The following MBD5 variants were observed in gnomAD, a reference collection of about 807,000 sequenced individuals.
MBD5 encodes the protein methyl-CpG binding domain protein 5.
Under a neutral mutation model 117.3 loss-of-function variants are expected in MBD5, and 13 were observed. The ratio of observed to expected loss-of-function variants is 0.11; its 90% CI spans 0.07 to 0.18. MBD5 has a LOEUF of 0.18. MBD5 is among the 10% of genes least tolerant of loss of function. The pLI, the probability that MBD5 is intolerant of heterozygous loss-of-function variation, is 1.00. For synonymous variants in MBD5, 727 were observed against 766.4 expected (o/e 0.95, Z 0.85); for missense variants, 1,879 against 2,093.8 (o/e 0.90, Z 2.00).
At chr2:148,358,640 T>C (rs982885859) in intron 4 of MBD5, among the ~76,000 whole-genome samples, 13 of 133,500 alleles carry the variant, frequency 9.7e-5, no homozygotes, top group South Asian at 2.5e-4. Context: ...AAAAAAAAGC[T>C]GGGTGTGGTG....
intron 3 of MBD5, among the ~76,000 whole-genome samples, chr2:148,319,878 T>C (rs954740020): frequency 7.2e-5 from 11 of 152,224 alleles, no homozygotes; most frequent in African/African-American, 2.7e-4. Context: ...AAGTATGATG[T>C]TGGCTCTGGG....
intron 4 of MBD5, among the ~76,000 whole-genome samples, chr2:148,359,406 A>C (rs192853822): frequency 2.9e-4 from 44 of 152,282 alleles, no homozygotes; most frequent in Admixed American, 2.8e-3. Flanking sequence ...TTTGTGCTAT[A>C]TACCCATTTT....
rs539053262 is a variant in MBD5, at chr2:148,081,924, G to T, written c.-925+60240G>T. 2.0e-5 allele frequency among the ~76,000 whole-genome samples: 3 copies of T among 152,212 alleles called. No individual in the cohort carries two copies. The East Asian group carries it at 5.8e-4, about 29-fold the overall frequency. ...GAGAGTGATTGCATTTATTTCATAG[G>T]TAAGTAATCTTGCCCATAGCTAATA... On this transcript the variant is annotated intron_variant, in intron 1 of 13. Transcript: ENST00000642680.
At chr2:148,090,131 A>G (rs549963768) in intron 1 of MBD5, among the ~76,000 whole-genome samples, 1 of 152,248 alleles carries the variant, frequency 6.6e-6, no homozygotes, top group South Asian at 2.1e-4. Flanking sequence ...CCTAGATTAA[A>G]TCAGGAAGAA....
chr2:148,429,569 C>T (rs1229376261), intron 4 of MBD5, among the ~76,000 whole-genome samples: 1 of 152,036 alleles, frequency 6.6e-6, no homozygotes, highest in Non-Finnish European at 1.5e-5. Context: ...TGATACCGGT[C>T]ACAATAGCAA....
At chr2:148,465,959 T>C (rs1171850856) in intron 7 of MBD5, among the ~76,000 whole-genome samples, 2 of 152,144 alleles carry the variant, frequency 1.3e-5, no homozygotes, top group Non-Finnish European at 2.9e-5. Flanking sequence ...CACTTCTTTG[T>C]CATACCTATA....
At chr2:148,425,345 G>A (rs761521678) in intron 4 of MBD5, among the ~76,000 whole-genome samples, 2 of 152,250 alleles carry the variant, frequency 1.3e-5, no homozygotes, top group South Asian at 2.1e-4. Context: ...GGAAGAAGTC[G>A]AATCCCTGAA....
At chr2:148,294,644 A>T (rs2106448192) in intron 3 of MBD5, among the ~76,000 whole-genome samples, 1 of 151,816 alleles carries the variant, frequency 6.6e-6, no homozygotes, top group African/African-American at 2.4e-5. Context: ...CTGATATTAC[A>T]GCCACACACC....
intron 4 of MBD5, among the ~76,000 whole-genome samples, chr2:148,456,763 C>T (rs111673354): frequency 2.0e-5 from 3 of 152,160 alleles, no homozygotes; most frequent in African/African-American, 7.2e-5. Flanking sequence ...TGATATTTTC[C>T]CCATTGCCTG....
intron 1 of MBD5, among the ~76,000 whole-genome samples, chr2:148,091,867 G>C (rs955581582): frequency 3.9e-5 from 6 of 152,152 alleles, no homozygotes; most frequent in African/African-American, 1.4e-4. Flanking sequence ...AATTAGCAGA[G>C]TAAACAGACA....
At chr2:148,308,292 T>TGCA (rs1033768010) in intron 3 of MBD5, among the ~76,000 whole-genome samples, 13 of 152,150 alleles carry the variant, frequency 8.5e-5, no homozygotes, top group Admixed American at 6.5e-5. Context: ...CCACATCCTC[T>TGCA]GCAGCATCCG....
intron 4 of MBD5, among the ~76,000 whole-genome samples, chr2:148,445,193 T>G (rs1706450415): frequency 6.6e-6 from 1 of 151,404 alleles, no homozygotes. Context: ...ACGTGCAGGT[T>G]TGTTACATAT....
At chr2:148,127,685 A>G (rs897841761) in intron 1 of MBD5, among the ~76,000 whole-genome samples, 10 of 152,190 alleles carry the variant, frequency 6.6e-5, no homozygotes, top group South Asian at 2.1e-4. Context: ...TAGTGCTCCA[A>G]TGTATATACG....
At chr2:148,356,169 T>C (rs1380266960) in intron 4 of MBD5, among the ~76,000 whole-genome samples, 1 of 152,206 alleles carries the variant, frequency 6.6e-6, no homozygotes, top group Non-Finnish European at 1.5e-5. Flanking sequence ...TACATTATTG[T>C]GTGAAAAGGG....
chr2:148,187,510 A>T (rs1200272443), intron 2 of MBD5, among the ~76,000 whole-genome samples: 2 of 152,176 alleles, frequency 1.3e-5, no homozygotes, highest in Non-Finnish European at 2.9e-5. Context: ...ATACCAAAAC[A>T]TATCATTTCT....
At chr2:148,055,555 T>G (rs576906525) in intron 1 of MBD5, 2 of 152,538 alleles carry the variant, frequency 1.3e-5, no homozygotes, top group East Asian at 3.9e-4. Flanking sequence ...GCCTCAGCCT[T>G]CTGAGTAACT....
intron 4 of MBD5, among the ~76,000 whole-genome samples, chr2:148,343,255 G>A (rs193260364): frequency 6.6e-6 from 1 of 152,036 alleles, no homozygotes; most frequent in Admixed American, 6.6e-5. Flanking sequence ...GTGTCTTTTT[G>A]GGAGAACAAT....
chr2:148,062,983 C>G (rs1439692073), intron 1 of MBD5, among the ~76,000 whole-genome samples: 1 of 152,130 alleles, frequency 6.6e-6, no homozygotes, highest in African/African-American at 2.4e-5. Context: ...CAAAATTTCT[C>G]AGCACATATT....
At chr2:148,170,561 A>C (rs1437134549) in intron 1 of MBD5, among the ~76,000 whole-genome samples, 2 of 152,166 alleles carry the variant, frequency 1.3e-5, no homozygotes, top group Non-Finnish European at 2.9e-5. Context: ...GTTTCTGTTC[A>C]ACTATGTATG....
Sources: gnomAD v4.1 joint callset for allele counts (sites outside exome capture counted in the v4.1 genomes callset) on GRCh38, gnomAD v4.1.1 for gene constraint, MANE v1.5 for transcripts, NCBI Gene and HGNC (gene_info 2026-07-23, HGNC 2026-07-21) for gene names.